Variants in FRMD4A observed in about 807,000 individuals in gnomAD.
The protein encoded by FRMD4A is FERM domain containing 4A.
A neutral mutation model predicts 129.1 loss-of-function variants in FRMD4A; 29 were observed. The ratio of observed to expected loss-of-function variants is 0.22; its 90% CI spans 0.17 to 0.31. FRMD4A has a LOEUF of 0.31. Among genes scored for constraint, FRMD4A ranks in the 10% least tolerant of loss-of-function variants. The pLI is 1.00. For synonymous variants in FRMD4A, 634 were observed against 571.6 expected, an observed-to-expected ratio of 1.11 and a Z score of -1.56; for missense variants, 1,272 against 1,375.8, an observed-to-expected ratio of 0.92 and a Z score of 1.19.
At chr10:13,848,292 A>G (rs2094083712) in intron 3 of FRMD4A, among the ~76,000 whole-genome samples, 1 of 152,206 alleles carries the variant, frequency 6.6e-6, no homozygotes, top group South Asian at 2.1e-4. Flanking sequence ...CTGGAGGGCT[A>G]AGTCTTCTCT....
chr10:13,673,524 C>CT (rs1482798807), intron 16 of FRMD4A, among the ~76,000 whole-genome samples: 2 of 152,174 alleles, frequency 1.3e-5, no homozygotes, highest in Non-Finnish European at 1.5e-5. Context: ...TGCTCCTGCC[C>CT]TGGAGAGCTC....
chr10:14,052,072 C>CCATGGTG (rs1834287383), intron 2 of FRMD4A, among the ~76,000 whole-genome samples: 1 of 152,100 alleles, frequency 6.6e-6, no homozygotes, highest in Non-Finnish European at 1.5e-5. Flanking sequence ...AGAAGAACAC[C>CCATGGTG]ATGGGCCAAT....
intron 14 of FRMD4A, among the ~76,000 whole-genome samples, chr10:13,696,323 GCT>G (rs1380041889): frequency 1.3e-5 from 2 of 151,902 alleles, no homozygotes; most frequent in African/African-American, 4.9e-5. Flanking sequence ...TTTCTACATC[GCT>G]CTGTTATGGA....
intron 12 of FRMD4A, among the ~76,000 whole-genome samples, chr10:13,716,624 G>T (rs2088835610): frequency 6.6e-6 from 1 of 152,166 alleles, no homozygotes; most frequent in Non-Finnish European, 1.5e-5. Flanking sequence ...TTCATTCAGT[G>T]ACAGATACCC....
intron 2 of FRMD4A, among the ~76,000 whole-genome samples, chr10:14,026,538 CGGCATAGGAAGG>C (rs1319629335): frequency 6.6e-6 from 1 of 152,096 alleles, no homozygotes; most frequent in African/African-American, 2.4e-5. Flanking sequence ...TTGTTAGGAA[CGGCATAGGAAGG>C]GGCGGGCAGT....
intron 2 of FRMD4A, among the ~76,000 whole-genome samples, chr10:14,300,969 GCTTTGGGCCATGTTGTA>G (rs1226752170): frequency 1.3e-5 from 2 of 152,164 alleles, no homozygotes; most frequent in Non-Finnish European, 2.9e-5. Context: ...TACAATGGGA[GCTTTGGGCCATGTTGTA>G]TTAGTTATCT....
Position 13,657,290 on chromosome 10 carries a change from T to G in FRMD4A, c.2299A>C (p.Asn767His). The G allele has an allele frequency of 6.2e-7, 1 of 1,609,070 alleles. No homozygotes were observed. Among genetic ancestry groups the G allele is most frequent in the Non-Finnish European group, 8.5e-7 (1 of 1,179,216 alleles). ...GAGTCCTCGGCCAGCGTGGAGTAGT[T>G]GGCGTTCATCTGCGCCGGGTAGTAG... ...EHYYPAQMNA[N>H]YSTLAEDSPS... Residue 767 changes from asparagine (N) to histidine (H), a missense_variant, in exon 22 of 25, where the codon AAC becomes CAC. By Grantham distance (68) the Asn-to-His change is moderately conservative. This residue lies in a region of FRMD4A where 972 missense variants were observed against 892.3 expected (regional missense o/e 1.09). Transcript: ENST00000357447.
chr10:13,777,901 C>G (rs145674955), intron 6 of FRMD4A, among the ~76,000 whole-genome samples: 1 of 149,092 alleles, frequency 6.7e-6, no homozygotes, highest in African/African-American at 2.5e-5. Flanking sequence ...CGGGTTCGCT[C>G]AAGCAATTCT....
rs1293036030 is a variant in FRMD4A, at chr10:14,292,528, G to C, written c.45+37530C>G. Among the ~76,000 whole-genome samples, 5 of 152,324 alleles carry C rather than the reference G, an allele frequency of 3.3e-5. No homozygotes were observed. The South Asian group carries it at 1.0e-3, about 32-fold the overall frequency. On this transcript the variant is annotated intron_variant, in intron 2 of 24. Transcript: ENST00000357447. ...TTAACAAGAAAAATGGGCTGGGCATGGTGGCTCACGCCTGTAATCCCAGCA... is the reference window on the plus strand; with the variant it reads ...TTAACAAGAAAAATGGGCTGGGCATCGTGGCTCACGCCTGTAATCCCAGCA...
intron 2 of FRMD4A, among the ~76,000 whole-genome samples, chr10:14,031,528 G>A (rs1215635072): frequency 4.6e-5 from 7 of 152,084 alleles, no homozygotes; most frequent in East Asian, 1.9e-4. Context: ...TCGGCCTCCC[G>A]AAGTGCTGGG....
At chr10:13,977,765 T>C (rs2095547075) in intron 2 of FRMD4A, among the ~76,000 whole-genome samples, 2 of 152,262 alleles carry the variant, frequency 1.3e-5, no homozygotes. Flanking sequence ...TCTTTGTGGC[T>C]GACTTCTTTC....
At chr10:14,107,685 T>C (rs1434478810) in intron 2 of FRMD4A, among the ~76,000 whole-genome samples, 1 of 152,218 alleles carries the variant, frequency 6.6e-6, no homozygotes, top group Non-Finnish European at 1.5e-5. Flanking sequence ...ATATCTTCCC[T>C]TTTCTAGAAA....
At chr10:14,171,028 T>G in intron 2 of FRMD4A, among the ~76,000 whole-genome samples, 1 of 9,468 alleles carries the variant, frequency 1.1e-4, no homozygotes, top group East Asian at 3.5e-3. Flanking sequence ...TTTTTTTTGT[T>G]TATTTGTTTG....
chr10:13,956,123 AAGTGATTT>A (rs1328678606), intron 2 of FRMD4A, among the ~76,000 whole-genome samples: 1 of 152,148 alleles, frequency 6.6e-6, no homozygotes, highest in Non-Finnish European at 1.5e-5. Flanking sequence ...ACAGTGTGCT[AAGTGATTT>A]AGGTAGAATT....
intron 2 of FRMD4A, among the ~76,000 whole-genome samples, chr10:14,147,562 T>A (rs1840134554): frequency 6.6e-6 from 1 of 152,160 alleles, no homozygotes; most frequent in African/African-American, 2.4e-5. Flanking sequence ...GATTGTCTTA[T>A]CTGGGGGTGA....
At chr10:14,164,975 CAA>C (rs1302129887) in intron 2 of FRMD4A, among the ~76,000 whole-genome samples, 1 of 152,050 alleles carries the variant, frequency 6.6e-6, no homozygotes, top group Non-Finnish European at 1.5e-5. Flanking sequence ...CCAGGAAACC[CAA>C]AAGATTGGAC....
At chr10:14,245,523 C>G (rs1844202718) in intron 2 of FRMD4A, among the ~76,000 whole-genome samples, 1 of 152,176 alleles carries the variant, frequency 6.6e-6, no homozygotes, top group Admixed American at 6.5e-5. Context: ...CTCCCTTACC[C>G]CCCAAACTCA....
At chr10:13,726,596 T>C (rs991439344) in intron 12 of FRMD4A, among the ~76,000 whole-genome samples, 1 of 152,176 alleles carries the variant, frequency 6.6e-6, no homozygotes, top group Non-Finnish European at 1.5e-5. Flanking sequence ...TCCTCAGAGT[T>C]TCTGAGCTCG....
chr10:13,985,661 G>A (rs561088570), intron 2 of FRMD4A, among the ~76,000 whole-genome samples: 41 of 152,268 alleles, frequency 2.7e-4, no homozygotes, highest in African/African-American at 7.2e-4. Context: ...CAGTCTCCAC[G>A]GGAAAGCAGA....
Sources: gnomAD v4.1 joint callset for allele counts (sites outside exome capture counted in the v4.1 genomes callset) on GRCh38, gnomAD v4.1.1 for gene constraint, gnomAD v4.1.1 regional missense constraint, MANE v1.5 for transcripts, NCBI Gene and HGNC (gene_info 2026-07-23, HGNC 2026-07-21) for gene names.